The following TEX15 variants were observed in gnomAD, a reference collection of about 807,000 sequenced individuals.
The protein encoded by TEX15 is testis expressed 15, meiosis and synapsis associated.
In TEX15, 171 loss-of-function variants were observed where a neutral mutation model predicts 237.3. The ratio of observed to expected loss-of-function variants is 0.72; its 90% CI spans 0.64 to 0.82. The LOEUF is 0.82. Ranked by LOEUF, TEX15 falls within the 40% of genes least tolerant of loss-of-function variation. The probability of loss-of-function intolerance (pLI) is 0.00; values close to 1 mark genes in which losing one functional copy is unlikely to be tolerated. For synonymous variants in TEX15, 1,338 were observed against 1,269.8 expected (o/e 1.05, Z -1.14); for missense variants, 3,750 against 3,646.5 (o/e 1.03, Z -0.73).
chr8:30,852,100 CTTTTTTT>C (rs910989172), intron 7 of TEX15, among the ~76,000 whole-genome samples: 353 of 90,382 alleles, frequency 3.9e-3, no homozygotes, highest in African/African-American at 0.017. Context: ...TTAATTTAAT[CTTTTTTT>C]TTTTTTTTTT....
rs1554502302 is a variant in TEX15 at position 30,889,940 on chromosome 8, T to TATATAC, written c.-9-2630_-9-2629insGTATAT. On this transcript the variant is annotated intron_variant, in intron 2 of 10. Transcript: ENST00000643185. ...TTTATGTATTAGTTATATACATATATATATATATATATACATATATATATA... is the reference window on the plus strand; with the variant it reads ...TTTATGTATTAGTTATATACATATATATATACATATATATATATACATATATATATA... 9.9e-4 allele frequency among the ~76,000 whole-genome samples: 129 copies of TATATAC among 129,812 alleles called. 2 individuals carry two copies. The highest frequency in any genetic ancestry group is 3.9e-3 in the African/African-American group (108 of 27,674). The allele number at this position is 129,812 out of a possible 152,430, so 85.2% of individuals were successfully genotyped here. A position where few individuals can be genotyped will look rare whatever the true frequency, so the allele number is the denominator to read the frequency against.
intron 5 of TEX15, among the ~76,000 whole-genome samples, chr8:30,866,634 G>A (rs892490011): frequency 4.6e-5 from 7 of 151,822 alleles, no homozygotes; most frequent in African/African-American, 1.7e-4. Context: ...TCTTATTCCA[G>A]AGACATAATA....
intron 3 of TEX15, among the ~76,000 whole-genome samples, chr8:30,876,346 T>C (rs1194889509): frequency 6.6e-6 from 1 of 152,218 alleles, no homozygotes; most frequent in African/African-American, 2.4e-5. Flanking sequence ...TTGAAATGTT[T>C]GAGTCAAATA....
At chr8:30,894,599 T>A (rs1808857269) in intron 2 of TEX15, among the ~76,000 whole-genome samples, 2 of 152,142 alleles carry the variant, frequency 1.3e-5, no homozygotes, top group African/African-American at 4.8e-5. Flanking sequence ...GCCAAGACCA[T>A]TCAGTGGGAG....
chr8:30,846,095 T>TA lies in TEX15; in HGVS notation c.4071dup (p.Lys1358Ter). 1 of 1,613,476 alleles carries TA rather than the reference T, an allele frequency of 6.2e-7. No homozygotes were observed. The highest frequency in any genetic ancestry group is 8.5e-7 in the Non-Finnish European group (1 of 1,179,600). ...TCACTTAGGATATTTAGGACACTCT[T>TA]AATGTGCTTTTCTGACTGTGAAAAT... On this transcript the variant is annotated frameshift_variant, in exon 8 of 11. Transcript: ENST00000643185. LOFTEE classifies it high-confidence loss of function.
chr8:30,837,777 T>C lies in TEX15; in HGVS notation c.8507A>G (p.Asp2836Gly). ...SAAETKSDKK[D>G]CAAFAICDQK... ...GTCACAAATTGCAAAAGCAGCACAA[T>C]CTTTCTTATCACTTTTTGTTTCAGC... is the stretch of plus-strand genomic sequence containing the variant. Residue 2836 changes from aspartate (D) to glycine (G), a missense_variant, in exon 10 of 11, where the codon GAT becomes GGT. By Grantham distance (94) the Asp-to-Gly change is moderately conservative. Coordinates refer to ENST00000643185, the MANE Select transcript of TEX15 (RefSeq NM_001350162.2). 1 of 1,614,188 alleles carries C rather than the reference T, an allele frequency of 6.2e-7. No homozygotes were observed. Among genetic ancestry groups the C allele is most frequent in the South Asian group, 1.1e-5 (1 of 91,080 alleles).
In TEX15 at chr8:30,842,497, T is replaced by C. The variant is rs753795768; in HGVS notation, c.7670A>G (p.Lys2557Arg). The C allele has an allele frequency of 1.9e-6, 3 of 1,612,684 alleles. No homozygotes were observed. Among genetic ancestry groups the C allele is most frequent in the Non-Finnish European group, 2.5e-6 (3 of 1,179,754 alleles). ...ELSEIKKLLK[K>R]SKYFISTYID... ...ATATGTGGAAATAAAATACTTGGACTTCTTCAGAAGCTTTTTTATTTCTGA... is the reference window on the plus strand; with the variant it reads ...ATATGTGGAAATAAAATACTTGGACCTCTTCAGAAGCTTTTTTATTTCTGA... Residue 2557 changes from lysine to arginine, a missense_variant, in exon 8 of 11, where the codon AAG becomes AGG. Transcript: ENST00000643185.
chr8:30,857,437 CCT>C (rs1007609565), intron 7 of TEX15, among the ~76,000 whole-genome samples: 2 of 152,014 alleles, frequency 1.3e-5, no homozygotes, highest in African/African-American at 4.8e-5. Flanking sequence ...ATTAAGAACC[CCT>C]GTTCATCAAA....
At chr8:30,907,064 A>G (rs1330009203) in intron 1 of TEX15, among the ~76,000 whole-genome samples, 1 of 152,158 alleles carries the variant, frequency 6.6e-6, no homozygotes, top group African/African-American at 2.4e-5. Flanking sequence ...TCTAAACTCA[A>G]AGAGTTTATA....
rs1315453239 is a variant in TEX15 at position 30,860,042 on chromosome 8, C to T, written c.556G>A (p.Val186Met). ...ILIFKVLFGK[V>M]KKIQPSVDKN... is the part of the protein sequence containing the mutation. ...TCCACAGAAGGTTGGATTTTCTTCA[C>T]TTTTCCAAAGAGAACCTAAAAAAAA... Residue 186 changes from valine to methionine, a missense_variant, in exon 6 of 11, where the codon GTG becomes ATG. Coordinates refer to ENST00000643185, the MANE Select transcript of TEX15 (RefSeq NM_001350162.2). The T allele has an allele frequency of 6.8e-7, 1 of 1,468,772 alleles. No homozygotes were observed. The highest frequency in any genetic ancestry group is 1.4e-5 in the South Asian group (1 of 73,608). The allele number at this position is 1,468,772 out of a possible 1,614,324, so 91.0% of individuals were successfully genotyped here. A position where few individuals can be genotyped will look rare whatever the true frequency, so the allele number is the denominator to read the frequency against.
intron 5 of TEX15, among the ~76,000 whole-genome samples, chr8:30,861,600 T>C (rs1020731841): frequency 2.6e-5 from 4 of 152,190 alleles, no homozygotes; most frequent in Non-Finnish European, 5.9e-5. Context: ...GTTAGTTTCT[T>C]AGTTTTGACA....
rs1346625343 is a variant in TEX15 at position 30,848,630 on chromosome 8, T to C, written c.1537A>G (p.Met513Val). Residue 513 changes from methionine to valine, a missense_variant, in exon 8 of 11, where the codon ATG (methionine) becomes GTG (valine). Met to Val is a conservative substitution (Grantham distance 21). Coordinates refer to ENST00000643185, the MANE Select transcript of TEX15 (RefSeq NM_001350162.2). Reference sequence around the variant, plus strand: ...ATACAGTCATAGTCCTCAGAGCCCATGTTGTGAGCCCAAGATTGTGAATCA... The same window carrying C: ...ATACAGTCATAGTCCTCAGAGCCCACGTTGTGAGCCCAAGATTGTGAATCA... ...VNDSQSWAHN[M>V]GSEDYDCIPP... 2 of 1,614,134 alleles carry C rather than the reference T, an allele frequency of 1.2e-6. No individual in the cohort carries two copies. Among genetic ancestry groups the C allele is most frequent in the Non-Finnish European group, 1.7e-6 (2 of 1,180,004 alleles).
At chr8:30,849,617 T>C (rs1807723948) in intron 7 of TEX15, among the ~76,000 whole-genome samples, 1 of 151,952 alleles carries the variant, frequency 6.6e-6, no homozygotes, top group East Asian at 1.9e-4. Context: ...AAAAACTAAA[T>C]AGGGGCTGGG....
chr8:30,852,079 C>A (rs1218210427), intron 7 of TEX15, among the ~76,000 whole-genome samples: 2 of 148,756 alleles, frequency 1.3e-5, no homozygotes, highest in African/African-American at 5.0e-5. Context: ...GTTTTAAGTG[C>A]CTTATGTACA....
At position 30,846,871 on chromosome 8, in the gene TEX15, C is replaced by T. The variant is rs748586725; in HGVS notation, c.3296G>A (p.Arg1099His). Residue 1099 changes from arginine (R) to histidine (H), a missense_variant, in exon 8 of 11, where the codon CGT (arginine) becomes CAT (histidine). Coordinates refer to ENST00000643185, the MANE Select transcript of TEX15 (RefSeq NM_001350162.2). ...TGCTAACAGACCTTCCCAACTGATACGAGACTTCAGAGCCTTATATGAGGT... is the reference window on the plus strand; with the variant it reads ...TGCTAACAGACCTTCCCAACTGATATGAGACTTCAGAGCCTTATATGAGGT... ...FVTSYKALKSRISWEGLLALD... is the reference protein window; with the variant it reads ...FVTSYKALKSHISWEGLLALD... 9.3e-6 allele frequency: 15 copies of T among 1,613,724 alleles called. No individual in the cohort carries two copies. The highest frequency in any genetic ancestry group is 3.3e-5 in the South Asian group (3 of 91,078).
chr8:30,843,174 C>T lies in TEX15; in HGVS notation c.6993G>A (p.Gly2331=), dbSNP rs1447307718. Residue 2331 remains glycine (G), a synonymous_variant, in exon 8 of 11, where the codon GGG becomes GGA. Coordinates refer to ENST00000643185, the MANE Select transcript of TEX15 (RefSeq NM_001350162.2). The part of the protein sequence containing the change: ...DLNNEPISPI[G]LEEDTIIASR... ...AAGCAATTATAGTATCCTCCTCAAG[C>T]CCAATAGGGGAAATTGGTTCATTGT... The T allele has an allele frequency of 6.2e-7, 1 of 1,613,290 alleles. No homozygotes were observed. Among genetic ancestry groups the T allele is most frequent in the African/African-American group, 1.3e-5 (1 of 74,908 alleles).
At chr8:30,833,390 G>T in intron 10 of TEX15, 67 bp from the exon 11 acceptor site, 1 of 1,216,808 alleles carries the variant, frequency 8.2e-7, no homozygotes, top group Non-Finnish European at 1.2e-6. Context: ...ATACTATAGT[G>T]GAAAGAACCT....
intron 7 of TEX15, among the ~76,000 whole-genome samples, chr8:30,853,748 A>C (rs560000855): frequency 3.5e-4 from 54 of 152,294 alleles, no homozygotes; most frequent in African/African-American, 1.1e-3. Flanking sequence ...ATTCTCCAGG[A>C]AAGACTATAT....
intron 1 of TEX15, among the ~76,000 whole-genome samples, chr8:30,899,810 C>A (rs16877499): frequency 0.01 from 1,531 of 152,252 alleles, 21 homozygotes; most frequent in African/African-American, 0.034. Context: ...ATGGAGACAA[C>A]AGAAAACTAT....
Sources: gnomAD v4.1 joint callset for allele counts (sites outside exome capture counted in the v4.1 genomes callset) on GRCh38, gnomAD v4.1.1 for gene constraint, MANE v1.5 for transcripts, NCBI Gene and HGNC (gene_info 2026-07-23, HGNC 2026-07-21) for gene names.